Variants in TMEM223 observed in about 807,000 individuals in gnomAD.
TMEM223 encodes transmembrane protein 223.
TMEM223 carries 14 observed loss-of-function variants against 14.1 expected under a neutral mutation model. The observed-to-expected ratio is 0.99, with a 90% confidence interval of 0.66 to 1.55. The LOEUF is 1.55. Ranked by LOEUF, TMEM223 falls within the 40% of genes most tolerant of loss-of-function variation. TMEM223 has a pLI of 0.00. For missense variants in TMEM223, 346 were observed against 269.9 expected (o/e 1.28, Z -1.97); for synonymous variants, 145 against 120.5 (o/e 1.20, Z -1.33).
At chr11:62,784,446 A>G (rs1446415151), downstream of TMEM223, among the ~76,000 whole-genome samples, 2 of 151,176 alleles carry the variant, frequency 1.3e-5, no homozygotes, top group Non-Finnish European at 2.9e-5. Flanking sequence ...AGCTGGGACT[A>G]CAGGCGCCCG....
intron 1 of TMEM223, among the ~76,000 whole-genome samples, chr11:62,777,423 C>G (rs775388988): frequency 1.1e-4 from 16 of 152,148 alleles, no homozygotes; most frequent in Non-Finnish European, 1.8e-4. Flanking sequence ...CCCACCTGGG[C>G]TATGTGTTCA....
At chr11:62,787,869 G>A (rs2084307012), downstream of TMEM223, 2 of 592,764 alleles carry the variant, frequency 3.4e-6, no homozygotes, top group East Asian at 7.5e-5. Flanking sequence ...TAAATCAGAA[G>A]CCATTTGTGC....
downstream of TMEM223, chr11:62,786,595 C>A (rs1416575097): frequency 1.9e-6 from 3 of 1,579,902 alleles, no homozygotes; most frequent in African/African-American, 4.1e-5. Flanking sequence ...CAGGGGGTGC[C>A]GGCGCCTGGA....
At position 62,777,276 on chromosome 11, in the gene TMEM223, G is replaced by A. The variant is rs376730467; in HGVS notation, c.315-2611C>T. On this transcript the variant is annotated intron_variant, in intron 1 of 2. Transcript: ENST00000528367. ...TGGAAGGCGTAGGTTGCAGTGAGCC[G>A]AGATCACGCCACTGCATTCCAGCCT... is the stretch of plus-strand genomic sequence containing the variant. 3.0e-4 allele frequency among the ~76,000 whole-genome samples: 46 copies of A among 152,258 alleles called. No homozygotes were observed. In the South Asian group the frequency reaches 8.5e-3, roughly 28 times the overall value.
intron 2 of TMEM223, chr11:62,774,499 A>G (rs1262169487): frequency 2.3e-6 from 1 of 444,066 alleles, no homozygotes; most frequent in African/African-American, 2.0e-5. Flanking sequence ...ATCCCCTGCC[A>G]GAGGAGTAGT....
chr11:62,782,911 T>C (rs2084241180), downstream of TMEM223: 2 of 1,553,478 alleles, frequency 1.3e-6, no homozygotes, highest in Non-Finnish European at 1.7e-6. Context: ...ATCTCCAAAA[T>C]AGTGTGTGCC....
chr11:62,785,597 T>G (rs1351211990), downstream of TMEM223, among the ~76,000 whole-genome samples: 1 of 147,034 alleles, frequency 6.8e-6, no homozygotes, highest in Non-Finnish European at 1.5e-5. Context: ...TGCGGTGGTG[T>G]GATCTCGGCT....
At chr11:62,783,921 G>T (rs941518273), downstream of TMEM223, among the ~76,000 whole-genome samples, 3 of 148,228 alleles carry the variant, frequency 2.0e-5, no homozygotes, top group Non-Finnish European at 4.5e-5. Flanking sequence ...TTGTATACCT[G>T]GAATAAGTTC....
At position 62,790,848 on chromosome 11, in the gene TMEM223, A is replaced by G; in HGVS notation, c.384T>C (p.Ala128=). ...TGGTGAGGGTCACCTGCTGCCCTCC[A>G]GCTCGAAGCACCACTGAGCGCACAG... ...LRSVRSVVLR[A]GGQQVTLTTH... The change falls in exon 2 of 2, where the codon GCT becomes GCC. Residue 128 remains alanine, a synonymous_variant. Transcript: ENST00000307366. 6.2e-7 allele frequency: 1 copy of G among 1,605,022 alleles called. No individual in the cohort carries two copies. Among genetic ancestry groups the G allele is most frequent in the Non-Finnish European group, 8.5e-7 (1 of 1,175,798 alleles).
intron 1 of TMEM223, among the ~76,000 whole-genome samples, chr11:62,780,936 CAAA>C (rs1302371766): frequency 7.6e-5 from 4 of 52,310 alleles, no homozygotes; most frequent in Admixed American, 4.8e-4. Flanking sequence ...GACTCCATCT[CAAA>C]AAAAAAAAAA....
Position 62,790,704 on chromosome 11 carries a change from G to A in TMEM223, c.528C>T (p.Phe176=). 2 of 1,611,882 alleles carry A rather than the reference G, an allele frequency of 1.2e-6. No individual in the cohort carries two copies. Among genetic ancestry groups the A allele is most frequent in the Non-Finnish European group, 1.7e-6 (2 of 1,178,924 alleles). ...MLPLKVKGRR[F]YFLLDKTGHF... is the part of the protein sequence containing the mutation. ...GTCCAGTTTTGTCCAAGAGGAAATA[G>A]AAGCGTCGGCCTTTGACTTTCAGAG... The change falls in exon 2 of 2, where the codon TTC becomes TTT. Residue 176 remains phenylalanine (F), a synonymous_variant. Transcript: ENST00000307366.
downstream of TMEM223, chr11:62,787,884 C>G (rs1244752932): frequency 1.8e-6 from 1 of 564,512 alleles, no homozygotes; most frequent in Non-Finnish European, 3.4e-6. Flanking sequence ...TTGTGCTGAG[C>G]TTTGTCGAGA....
intron 2 of TMEM223, among the ~76,000 whole-genome samples, chr11:62,773,760 G>A (rs679626): frequency 0.11 from 16,470 of 152,092 alleles, 1,994 homozygotes; most frequent in African/African-American, 0.3. Context: ...AAATTCTTAC[G>A]ACTGGTTTGG....
At chr11:62,789,697 G>A, downstream of TMEM223, 1 of 1,532,138 alleles carries the variant, frequency 6.5e-7, no homozygotes, top group Non-Finnish European at 8.8e-7. Context: ...CCAAGGATAG[G>A]AGGAAAAACT....
downstream of TMEM223, chr11:62,782,539 C>T (rs1349523756): frequency 8.4e-7 from 1 of 1,191,304 alleles, no homozygotes; most frequent in Non-Finnish European, 1.2e-6. Context: ...CTTCAGCCCT[C>T]AGGTCCTAGG....
At chr11:62,788,033 A>C (rs2084309201), downstream of TMEM223, 3 of 457,266 alleles carry the variant, frequency 6.6e-6, no homozygotes, top group South Asian at 4.6e-5. Context: ...CCAGCCAGGT[A>C]ATCTGGTTAA....
At position 62,790,869 on chromosome 11, in the gene TMEM223, C is replaced by G; in HGVS notation, c.363G>C (p.Val121=). ...GAGLLFSLRS[V]RSVVLRAGGQ... ...CTCCAGCTCGAAGCACCACTGAGCG[C>G]ACAGACCGGAGAGAGAAGAGAAGAC... Residue 121 remains valine, a synonymous_variant, in exon 2 of 2, where the codon GTG becomes GTC. Coordinates refer to ENST00000307366, the MANE Select transcript of TMEM223 (RefSeq NM_001080501.3). 1.2e-6 allele frequency: 2 copies of G among 1,604,328 alleles called. No homozygotes were observed. The highest frequency in any genetic ancestry group is 1.7e-6 in the Non-Finnish European group (2 of 1,174,972).
At chr11:62,787,988 G>A (rs189451502), downstream of TMEM223, 23 of 464,814 alleles carry the variant, frequency 4.9e-5, no homozygotes, top group African/African-American at 3.0e-4. Flanking sequence ...AAACGCTGAC[G>A]TAAAGGTAGA....
downstream of TMEM223, chr11:62,786,634 C>A (rs201212023): frequency 3.1e-6 from 5 of 1,602,366 alleles, no homozygotes; most frequent in South Asian, 3.3e-5. Context: ...CCTTCTCTTT[C>A]AAGAGTCGTC....
Sources: allele counts gnomAD v4.1 joint callset (sites outside exome capture counted in the v4.1 genomes callset), GRCh38; gene constraint gnomAD v4.1.1; transcripts MANE v1.5; gene names NCBI Gene and HGNC (gene_info 2026-07-23, HGNC 2026-07-21).